The following LRP2 variants were observed in gnomAD, a reference collection of about 807,000 sequenced individuals.
LRP2 encodes the protein LDL receptor related protein 2, also known as low-density lipoprotein receptor-related protein 2.
Under a neutral mutation model 531.0 loss-of-function variants are expected in LRP2, and 172 were observed. The ratio of observed to expected loss-of-function variants is 0.32; its 90% CI spans 0.29 to 0.37. The LOEUF (loss-of-function observed/expected upper bound fraction) is 0.37, where lower values mean the gene tolerates loss of function less well. Ranked by LOEUF, LRP2 falls within the 10% of genes least tolerant of loss-of-function variation. The pLI is 1.00. For missense variants in LRP2, 5,167 were observed against 5,868.3 expected (o/e 0.88, Z 3.90); for synonymous variants, 1,992 against 2,027.6 (o/e 0.98, Z 0.47).
intron 50 of LRP2, among the ~76,000 whole-genome samples, chr2:169,183,824 CA>C (rs1687529892): frequency 6.6e-6 from 1 of 152,190 alleles, no homozygotes; most frequent in Non-Finnish European, 1.5e-5. Context: ...CTAATGCTGA[CA>C]GCAGAAATAT....
intron 31 of LRP2, among the ~76,000 whole-genome samples, chr2:169,228,067 C>T (rs546593214): frequency 6.6e-6 from 1 of 152,270 alleles, no homozygotes; most frequent in East Asian, 1.9e-4. Flanking sequence ...ATACTGCATG[C>T]ATCAGGTAAG....
intron 44 of LRP2, 58 bp downstream of exon 44, chr2:169,201,570 C>G (rs1245452680): frequency 6.2e-7 from 1 of 1,608,676 alleles, no homozygotes; most frequent in Non-Finnish European, 8.5e-7. Flanking sequence ...ATAATTTCAT[C>G]TCCTGTGATC....
In LRP2 at chr2:169,220,552, G is replaced by A. The variant is rs768910050; in HGVS notation, c.5550C>T (p.Leu1850=). The part of the protein sequence containing the change: ...PRTQSIEVLT[L]HGDIRYRKTL... The stretch of plus-strand genomic sequence containing the variant: ...TTTTTCTGTATCTGATATCTCCGTG[G>A]AGTGTCAAAACCTATAGCATAAAAT... Residue 1850 remains leucine (L), a synonymous_variant, in exon 34 of 79, where the codon CTC becomes CTT. Coordinates refer to ENST00000649046, the MANE Select transcript of LRP2 (RefSeq NM_004525.3). 1.2e-6 allele frequency: 2 copies of A among 1,610,366 alleles called. No individual in the cohort carries two copies. The highest frequency in any genetic ancestry group is 1.7e-6 in the Non-Finnish European group (2 of 1,177,138).
chr2:169,153,047 G>T, intron 66 of LRP2, 83 bp from the exon 67 acceptor site: 1 of 1,276,734 alleles, frequency 7.8e-7, no homozygotes, highest in Non-Finnish European at 1.1e-6. Context: ...GTGAAGTACT[G>T]TTCGTTTATT....
intron 28 of LRP2, 134 bp from the exon 29 acceptor site, chr2:169,236,202 G>T: frequency 1.3e-6 from 1 of 750,030 alleles, no homozygotes; most frequent in Non-Finnish European, 2.3e-6. Context: ...TATATTCACA[G>T]AGTTTATTGT....
rs1312532817 is a variant in LRP2 at position 169,206,455 on chromosome 2, A to T, written c.7265T>A (p.Met2422Lys). The T allele has an allele frequency of 6.2e-7, 1 of 1,614,094 alleles. No homozygotes were observed. The highest frequency in any genetic ancestry group is 8.5e-7 in the Non-Finnish European group (1 of 1,180,030). Residue 2422 changes from methionine to lysine, a missense_variant, in exon 39 of 79, where the codon ATG becomes AAG. Physicochemically the swap from Met to Lys is moderately conservative, Grantham distance 95 (BLOSUM62 -1). Around this residue, in one of 6 missense-constraint regions of LRP2, gnomAD observed 2,811 missense variants for 3,058.0 expected, o/e 0.92. Transcript: ENST00000649046. ...FQTINVERTV[M>K]SLDYDSVSDR... ...ACTTACACTGTCATAGTCTAGAGAC[A>T]TGACAGTTCTTTCCACATTTATTGT... is the stretch of plus-strand genomic sequence containing the variant.
chr2:169,217,373 A>T (rs905144195), intron 34 of LRP2, among the ~76,000 whole-genome samples: 1 of 152,110 alleles, frequency 6.6e-6, no homozygotes, highest in Admixed American at 6.6e-5. Context: ...TCAAACTCTG[A>T]AATGCTCTGC....
intron 1 of LRP2, among the ~76,000 whole-genome samples, chr2:169,339,264 G>A (rs559644536): frequency 2.0e-5 from 3 of 152,112 alleles, no homozygotes; most frequent in Admixed American, 2.0e-4. Context: ...AGAAATTTGA[G>A]TATTTTATTA....
chr2:169,162,358 G>A, intron 63 of LRP2, 114 bp downstream of exon 63: 1 of 1,281,412 alleles, frequency 7.8e-7, no homozygotes, highest in South Asian at 1.2e-5. Context: ...TGGAATTCAA[G>A]CAAAAAGTAC....
chr2:169,299,958 C>T (rs574982349), intron 4 of LRP2, among the ~76,000 whole-genome samples: 2 of 152,194 alleles, frequency 1.3e-5, no homozygotes, highest in East Asian at 3.9e-4. Context: ...ATCCTAGAAA[C>T]CAGTTATTCT....
At chr2:169,323,537 A>G (rs1225056527) in intron 1 of LRP2, among the ~76,000 whole-genome samples, 1 of 152,162 alleles carries the variant, frequency 6.6e-6, no homozygotes, top group African/African-American at 2.4e-5. Flanking sequence ...ATTTATTTTG[A>G]GTGTTTTGTT....
chr2:169,311,029 T>G (rs1684582363), intron 3 of LRP2, among the ~76,000 whole-genome samples: 1 of 152,264 alleles, frequency 6.6e-6, no homozygotes, highest in Non-Finnish European at 1.5e-5. Flanking sequence ...TTTGTATTTC[T>G]GAGGGATTGG....
intron 1 of LRP2, among the ~76,000 whole-genome samples, chr2:169,338,786 G>A (rs889427997): frequency 6.6e-6 from 1 of 152,218 alleles, no homozygotes; most frequent in Non-Finnish European, 1.5e-5. Flanking sequence ...CAAGGAAGGG[G>A]AAGAGCACGC....
chr2:169,263,538 A>G (rs2105421415), intron 16 of LRP2, among the ~76,000 whole-genome samples: 1 of 150,676 alleles, frequency 6.6e-6, no homozygotes, highest in South Asian at 2.2e-4. Context: ...AATCAAAACC[A>G]CAATGAGATA....
intron 2 of LRP2, among the ~76,000 whole-genome samples, chr2:169,319,599 T>G (rs1220543546): frequency 6.6e-6 from 1 of 152,222 alleles, no homozygotes; most frequent in African/African-American, 2.4e-5. Context: ...GCCCTTGCCT[T>G]TTTGCTTTTA....
intron 16 of LRP2, among the ~76,000 whole-genome samples, chr2:169,261,758 T>A (rs145428315): frequency 0.014 from 2,183 of 152,122 alleles, 42 homozygotes; most frequent in African/African-American, 0.05. Flanking sequence ...GCCAGCATCA[T>A]CCTGATACCA....
rs1425958005 is a variant in LRP2, at chr2:169,168,534, C to T, written c.11635+5G>A. On this transcript the variant is annotated splice_donor_5th_base_variant and intron_variant, in intron 61 of 78. Coordinates refer to ENST00000649046, the MANE Select transcript of LRP2 (RefSeq NM_004525.3). ...TCCCATTCACTCCGTTTCTCTCCCT[C>T]TTACAGCACAGGTGAAGTTCTTCAT... 1.2e-6 allele frequency: 2 copies of T among 1,614,090 alleles called. No individual in the cohort carries two copies. Among genetic ancestry groups the T allele is most frequent in the African/African-American group, 2.7e-5 (2 of 75,034 alleles).
At position 169,185,569 on chromosome 2, in the gene LRP2, T is replaced by C; in HGVS notation, c.9779A>G (p.Asn3260Ser). The change falls in exon 50 of 79, where the codon AAC becomes AGC. Residue 3260 changes from asparagine to serine, a missense_variant. This residue lies in a region of LRP2 where 1,129 missense variants were observed against 1,362.7 expected (regional missense o/e 0.83). Transcript: ENST00000649046. Reference protein sequence around the residue: ...VIERMFLNKTNKETIINHRLP... With the variant: ...VIERMFLNKTSKETIINHRLP... ...TCTGTGGTTTATGATTGTCTCCTTG[T>C]TTGTCTTATTCAGAAACATTCTCTC... 1 of 1,614,046 alleles carries C rather than the reference T, an allele frequency of 6.2e-7. No homozygotes were observed. Among genetic ancestry groups the C allele is most frequent in the Non-Finnish European group, 8.5e-7 (1 of 1,180,006 alleles).
intron 68 of LRP2, 52 bp downstream of exon 68, chr2:169,150,846 T>C: frequency 1.2e-6 from 2 of 1,610,046 alleles, no homozygotes; most frequent in East Asian, 4.5e-5. Context: ...TGGAATTTGA[T>C]GAGAATCCAG....
Sources: gnomAD v4.1 joint callset for allele counts (sites outside exome capture counted in the v4.1 genomes callset) on GRCh38, gnomAD v4.1.1 for gene constraint, gnomAD v4.1.1 regional missense constraint, MANE v1.5 for transcripts, NCBI Gene and HGNC (gene_info 2026-07-23, HGNC 2026-07-21) for gene names.